The following KCNQ1 variants were observed in gnomAD, a reference collection of about 807,000 sequenced individuals.
The protein encoded by KCNQ1 is potassium voltage-gated channel subfamily Q member 1.
A neutral mutation model predicts 72.4 loss-of-function variants in KCNQ1; 49 were observed. The ratio of observed to expected loss-of-function variants is 0.68; its 90% CI spans 0.54 to 0.86. The LOEUF (loss-of-function observed/expected upper bound fraction) is 0.86, where lower values mean the gene tolerates loss of function less well. Ranked by LOEUF, KCNQ1 falls within the 40% of genes least tolerant of loss-of-function variation. The pLI is 0.00. For synonymous variants in KCNQ1, 450 were observed against 412.6 expected, an observed-to-expected ratio of 1.09 and a Z score of -1.10; for missense variants, 790 against 945.1, an observed-to-expected ratio of 0.84 and a Z score of 2.15.
chr11:2,537,321 T>C lies in KCNQ1; in HGVS notation c.477+9303T>C, dbSNP rs1257710846. Among the ~76,000 whole-genome samples the C allele has an allele frequency of 2.0e-5, 3 of 152,220 alleles. No individual in the cohort carries two copies. The highest frequency in any genetic ancestry group is 6.8e-3 in the Middle Eastern group (2 of 294). Reference sequence around the variant, plus strand: ...AGCCCACAGGGCCTAAGATTTCTACTACCTGACCTTCCAGGAAAGGTTTGC... The same window carrying C: ...AGCCCACAGGGCCTAAGATTTCTACCACCTGACCTTCCAGGAAAGGTTTGC... On this transcript the variant is annotated intron_variant, in intron 2 of 15. Coordinates refer to ENST00000155840, the MANE Select transcript of KCNQ1 (RefSeq NM_000218.3). The surrounding 1 kb of genome is among the most constrained non-coding windows in gnomAD (Gnocchi z 5.2).
In KCNQ1 at chr11:2,817,308, C is replaced by T. The variant is rs1166206639; in HGVS notation, c.1795-30459C>T. Among the ~76,000 whole-genome samples, 5 of 152,160 alleles carry T rather than the reference C, an allele frequency of 3.3e-5. No individual in the cohort carries two copies. Among genetic ancestry groups the T allele is most frequent in the East Asian group, 1.9e-4 (1 of 5,182 alleles). On this transcript the variant is annotated intron_variant, in intron 15 of 15. Transcript: ENST00000155840. This position sits in a 1 kb window ranked among gnomAD's most constrained non-coding sequence, Gnocchi z 6.1. ...TAACTACGTTGGACAGAACCCACGG[C>T]GGCCCTTTCCGTGGCTTCAGCCAGT...
intron 1 of KCNQ1, among the ~76,000 whole-genome samples, chr11:2,501,289 C>T (rs551513784): frequency 6.7e-6 from 1 of 148,624 alleles, no homozygotes; most frequent in South Asian, 2.1e-4. Context: ...TTTAGCCAGA[C>T]TAAGAAAAGA....
At chr11:2,744,569 C>T (rs922931171) in intron 11 of KCNQ1, among the ~76,000 whole-genome samples, 2 of 152,184 alleles carry the variant, frequency 1.3e-5, no homozygotes, top group Non-Finnish European at 2.9e-5. Flanking sequence ...TCCTGGGCCC[C>T]ATGCCATGCC....
rs1319700144 is a variant in KCNQ1 at position 2,464,413 on chromosome 11, C to T, written c.386+18929C>T. On this transcript the variant is annotated intron_variant, in intron 1 of 15. Coordinates refer to ENST00000155840, the MANE Select transcript of KCNQ1 (RefSeq NM_000218.3). The surrounding 1 kb of genome is among the most constrained non-coding windows in gnomAD (Gnocchi z 5.0). ...GGCTGGTAAGAGGATTCTGGAGTCCCTGGAGTGTCTTCTGGCATCGCATGG... is the reference window on the plus strand; with the variant it reads ...GGCTGGTAAGAGGATTCTGGAGTCCTTGGAGTGTCTTCTGGCATCGCATGG... Among the ~76,000 whole-genome samples the T allele has an allele frequency of 1.3e-5, 2 of 152,100 alleles. No homozygotes were observed. Among genetic ancestry groups the T allele is most frequent in the African/African-American group, 4.8e-5 (2 of 41,414 alleles).
In KCNQ1 at chr11:2,601,580, A is replaced by G. The variant is rs892077670; in HGVS notation, c.1393+12726A>G. Among the ~76,000 whole-genome samples, 2 of 152,070 alleles carry G rather than the reference A, an allele frequency of 1.3e-5. No homozygotes were observed. Among genetic ancestry groups the G allele is most frequent in the African/African-American group, 4.8e-5 (2 of 41,406 alleles). On this transcript the variant is annotated intron_variant, in intron 10 of 15. Transcript: ENST00000155840. The surrounding 1 kb of genome is among the most constrained non-coding windows in gnomAD (Gnocchi z 5.2). ...TTTTACACGGACTTTCTCCCATCCCATCCCTCCAATCCCTGGTGACCACTC... is the reference window on the plus strand; with the variant it reads ...TTTTACACGGACTTTCTCCCATCCCGTCCCTCCAATCCCTGGTGACCACTC...
In KCNQ1 at chr11:2,541,017, G is replaced by A. The variant is rs776938137; in HGVS notation, c.477+12999G>A. ...TATGTGCACGGATGGGCGTGTGGAC[G>A]TATGCACACATAGGTACCCATGTGG... On this transcript the variant is annotated intron_variant, in intron 2 of 15. Coordinates refer to ENST00000155840, the MANE Select transcript of KCNQ1 (RefSeq NM_000218.3). The surrounding 1 kb of genome is among the most constrained non-coding windows in gnomAD (Gnocchi z 4.8). Among the ~76,000 whole-genome samples, 7 of 152,224 alleles carry A rather than the reference G, an allele frequency of 4.6e-5. No individual in the cohort carries two copies. Among genetic ancestry groups the A allele is most frequent in the South Asian group, 2.1e-4 (1 of 4,830 alleles).
chr11:2,550,851 G>A lies in KCNQ1; in HGVS notation c.478-19777G>A, dbSNP rs1405790469. On this transcript the variant is annotated intron_variant, in intron 2 of 15. Coordinates refer to ENST00000155840, the MANE Select transcript of KCNQ1 (RefSeq NM_000218.3). This position sits in a 1 kb window ranked among gnomAD's most constrained non-coding sequence, Gnocchi z 6.0. ...GGCTCCCCGGGGGCCCAGATGGCAG[G>A]CGAGGGGTGCCTGGGGAGGCTGCCA... Among the ~76,000 whole-genome samples, 5 of 152,038 alleles carry A rather than the reference G, an allele frequency of 3.3e-5. No homozygotes were observed. Among genetic ancestry groups the A allele is most frequent in the African/African-American group, 4.8e-5 (2 of 41,388 alleles).
intron 10 of KCNQ1, chr11:2,615,837 T>C (rs1306385088): frequency 2.5e-6 from 1 of 398,106 alleles, no homozygotes; most frequent in Non-Finnish European, 4.4e-6. Context: ...TTTCTTGTGG[T>C]ATATTTGTCT....
In KCNQ1 at chr11:2,450,681, G is replaced by C. The variant is rs1589887113; in HGVS notation, c.386+5197G>C. On this transcript the variant is annotated intron_variant, in intron 1 of 15. Transcript: ENST00000155840. This position sits in a 1 kb window ranked among gnomAD's most constrained non-coding sequence, Gnocchi z 7.9. ...GGTGGGTAGCTGTCTCTCTCCAGCAGCTCCTCCAACCACCATGAGAAACCC... is the reference window on the plus strand; with the variant it reads ...GGTGGGTAGCTGTCTCTCTCCAGCACCTCCTCCAACCACCATGAGAAACCC... 1.3e-5 allele frequency among the ~76,000 whole-genome samples: 2 copies of C among 152,066 alleles called. No individual in the cohort carries two copies. Among genetic ancestry groups the C allele is most frequent in the East Asian group, 3.9e-4 (2 of 5,176 alleles).
rs533217355 is a variant in KCNQ1 at position 2,806,884 on chromosome 11, T to C, written c.1794+28847T>C. On this transcript the variant is annotated intron_variant, in intron 15 of 15. Transcript: ENST00000155840. Reference sequence around the variant, plus strand: ...GGTGACACACAAAGGCCTCTGCTTCTCCACTCTCAGGCCAGCCCGAGAGGG... The same window carrying C: ...GGTGACACACAAAGGCCTCTGCTTCCCCACTCTCAGGCCAGCCCGAGAGGG... Among the ~76,000 whole-genome samples the C allele has an allele frequency of 3.3e-5, 5 of 152,068 alleles. No individual in the cohort carries two copies. The South Asian group carries it at 1.0e-3, about 32-fold the overall frequency.
rs1415571419 is a variant in KCNQ1, at chr11:2,497,632, A to G, written c.387-30296A>G. On this transcript the variant is annotated intron_variant, in intron 1 of 15. Transcript: ENST00000155840. This position sits in a 1 kb window ranked among gnomAD's most constrained non-coding sequence, Gnocchi z 4.5. ...GAACATGCTTCTCTAGCTCAGAGGAATTTGTTATTACCCACCTTCTGAAGC... is the reference window on the plus strand; with the variant it reads ...GAACATGCTTCTCTAGCTCAGAGGAGTTTGTTATTACCCACCTTCTGAAGC... 2.0e-5 allele frequency among the ~76,000 whole-genome samples: 3 copies of G among 152,124 alleles called. No homozygotes were observed. Among genetic ancestry groups the G allele is most frequent in the Admixed American group, 2.0e-4 (3 of 15,278 alleles).
chr11:2,826,878 G>T lies in KCNQ1; in HGVS notation c.1795-20889G>T, dbSNP rs993717949. Among the ~76,000 whole-genome samples, 1 of 152,250 alleles carries T rather than the reference G, an allele frequency of 6.6e-6. No homozygotes were observed. The highest frequency in any genetic ancestry group is 1.5e-5 in the Non-Finnish European group (1 of 68,042). ...GTAAACCACTGGGTGTGGGGTGTCT[G>T]GTCCTGGAGTGACAAGGACAGGGAG... On this transcript the variant is annotated intron_variant, in intron 15 of 15. Transcript: ENST00000155840. The surrounding 1 kb of genome is among the most constrained non-coding windows in gnomAD (Gnocchi z 4.2).
rs567336258 is a variant in KCNQ1, at chr11:2,738,432, C to T, written c.1515-30412C>T. Among the ~76,000 whole-genome samples, 5 of 152,284 alleles carry T rather than the reference C, an allele frequency of 3.3e-5. No homozygotes were observed. The East Asian group carries it at 9.7e-4, about 29-fold the overall frequency. On this transcript the variant is annotated intron_variant, in intron 11 of 15. Coordinates refer to ENST00000155840, the MANE Select transcript of KCNQ1 (RefSeq NM_000218.3). ...AGCGCCATGTGAGAATGCAGCAGGT[C>T]GGGGCCACTGGCACTAGCGTGTGTG...
At chr11:2,577,295 G>A (rs916963454) in intron 6 of KCNQ1, among the ~76,000 whole-genome samples, 7 of 152,188 alleles carry the variant, frequency 4.6e-5, no homozygotes, top group African/African-American at 1.4e-4. Flanking sequence ...GTGGTGGTTC[G>A]CAGGTGGCCA....
intron 1 of KCNQ1, chr11:2,521,369 G>T (rs2133636235): frequency 2.6e-6 from 1 of 377,460 alleles, no homozygotes. Context: ...GACTGGCACT[G>T]TGTGTTATCC....
chr11:2,567,427 G>A lies in KCNQ1; in HGVS notation c.478-3201G>A, dbSNP rs756798418. Among the ~76,000 whole-genome samples, 1 of 152,122 alleles carries A rather than the reference G, an allele frequency of 6.6e-6. No individual in the cohort carries two copies. Among genetic ancestry groups the A allele is most frequent in the African/African-American group, 2.4e-5 (1 of 41,422 alleles). On this transcript the variant is annotated intron_variant, in intron 2 of 15. Coordinates refer to ENST00000155840, the MANE Select transcript of KCNQ1 (RefSeq NM_000218.3). The surrounding 1 kb of genome is among the most constrained non-coding windows in gnomAD (Gnocchi z 6.6). ...AATCAGGGGTGGGCCATGGCATGGC[G>A]TGGGGGACCAGCCCTCCTCCCTGTC... is the stretch of plus-strand genomic sequence containing the variant.
intron 11 of KCNQ1, among the ~76,000 whole-genome samples, chr11:2,753,162 C>A (rs1846251909): frequency 6.6e-6 from 1 of 152,188 alleles, no homozygotes; most frequent in Non-Finnish European, 1.5e-5. Flanking sequence ...GGCAGGCCAC[C>A]CGGCCAGTGT....
chr11:2,582,677 G>A (rs893049080), intron 6 of KCNQ1, among the ~76,000 whole-genome samples: 5 of 152,334 alleles, frequency 3.3e-5, no homozygotes, highest in South Asian at 2.1e-4. Flanking sequence ...AGGGTGAGCT[G>A]TGCCTGAGGG....
intron 11 of KCNQ1, among the ~76,000 whole-genome samples, chr11:2,741,627 C>G (rs1284096942): frequency 1.3e-5 from 2 of 152,218 alleles, no homozygotes; most frequent in African/African-American, 4.8e-5. Flanking sequence ...TTAGCCTCCT[C>G]TCTTACTGAT....
Sources: allele counts gnomAD v4.1 joint callset (sites outside exome capture counted in the v4.1 genomes callset), GRCh38; gene constraint gnomAD v4.1.1; non-coding constraint Gnocchi (gnomAD v3.1); transcripts MANE v1.5; gene names NCBI Gene and HGNC (gene_info 2026-07-23, HGNC 2026-07-21).